The following CCSER1 variants were observed in gnomAD, a reference collection of about 807,000 sequenced individuals.
CCSER1 encodes coiled-coil serine rich protein 1.
Under a neutral mutation model 82.0 loss-of-function variants are expected in CCSER1, and 41 were observed. The observed-to-expected ratio is 0.50, with a 90% confidence interval of 0.39 to 0.65. CCSER1 has a LOEUF of 0.65. Ranked by LOEUF, CCSER1 falls within the 30% of genes least tolerant of loss-of-function variation. CCSER1 has a pLI of 0.00. For synonymous variants in CCSER1, 414 were observed against 383.9 expected (o/e 1.08, Z -0.92); for missense variants, 1,119 against 1,064.2 (o/e 1.05, Z -0.72).
At chr4:91,466,437 C>T (rs1756911681) in intron 10 of CCSER1, among the ~76,000 whole-genome samples, 2 of 152,236 alleles carry the variant, frequency 1.3e-5, no homozygotes, top group South Asian at 4.1e-4. Flanking sequence ...CCTTTGAAAA[C>T]TGGCACAAGA....
intron 10 of CCSER1, among the ~76,000 whole-genome samples, chr4:91,167,735 A>G (rs975527793): frequency 3.9e-5 from 6 of 152,218 alleles, no homozygotes; most frequent in Non-Finnish European, 7.3e-5. Context: ...CTAAATTTAC[A>G]CAGCTGATTT....
rs539110970 is a variant in CCSER1 at position 90,644,950 on chromosome 4, C to T, written c.1932+16718C>T. On this transcript the variant is annotated intron_variant, in intron 6 of 10. Transcript: ENST00000509176. Reference sequence around the variant, plus strand: ...TACAAAAATTAGCTGGATGTCGTGGCACACACCTGTAATCCCAGATACTCG... The same window carrying T: ...TACAAAAATTAGCTGGATGTCGTGGTACACACCTGTAATCCCAGATACTCG... Among the ~76,000 whole-genome samples, 5 of 151,272 alleles carry T rather than the reference C, an allele frequency of 3.3e-5. No homozygotes were observed. In the South Asian group the frequency reaches 1.1e-3, roughly 32 times the overall value.
chr4:90,699,999 T>A (rs1057021322), intron 6 of CCSER1, among the ~76,000 whole-genome samples: 8 of 152,114 alleles, frequency 5.3e-5, no homozygotes, highest in African/African-American at 1.2e-4. Flanking sequence ...TTTTTTTTTT[T>A]AATTATACTT....
At chr4:91,431,931 A>G (rs1754350613) in intron 10 of CCSER1, among the ~76,000 whole-genome samples, 1 of 151,984 alleles carries the variant, frequency 6.6e-6, no homozygotes, top group African/African-American at 2.4e-5. Context: ...TAGATGCAAC[A>G]TAATTGATAT....
intron 9 of CCSER1, among the ~76,000 whole-genome samples, chr4:91,021,430 G>A (rs796498872): frequency 4.6e-5 from 7 of 152,198 alleles, no homozygotes; most frequent in African/African-American, 1.7e-4. Flanking sequence ...ATTTCAAACT[G>A]ATCTTTAGAT....
At chr4:90,198,843 G>A (rs1483302247) in intron 1 of CCSER1, among the ~76,000 whole-genome samples, 1 of 152,134 alleles carries the variant, frequency 6.6e-6, no homozygotes, top group Non-Finnish European at 1.5e-5. Context: ...GAATAGGATA[G>A]TTATGCTAAT....
chr4:90,845,002 A>G (rs1216718938), intron 8 of CCSER1, among the ~76,000 whole-genome samples: 1 of 152,218 alleles, frequency 6.6e-6, no homozygotes, highest in Non-Finnish European at 1.5e-5. Context: ...ATTTATGAAA[A>G]CTAACTATAA....
intron 10 of CCSER1, among the ~76,000 whole-genome samples, chr4:91,593,242 C>T (rs1048219384): frequency 1.3e-5 from 2 of 151,884 alleles, no homozygotes; most frequent in Non-Finnish European, 2.9e-5. Context: ...TTTAAATTGC[C>T]CGTGCAATGT....
intron 10 of CCSER1, among the ~76,000 whole-genome samples, chr4:91,184,278 C>G (rs1734321716): frequency 1.3e-5 from 2 of 152,194 alleles, no homozygotes; most frequent in African/African-American, 4.8e-5. Flanking sequence ...GCAACACTTT[C>G]CAATGATAAC....
intron 1 of CCSER1, among the ~76,000 whole-genome samples, chr4:90,207,441 GC>G (rs1186772311): frequency 3.9e-5 from 6 of 152,100 alleles, no homozygotes; most frequent in African/African-American, 1.4e-4. Flanking sequence ...GTTAGAACAT[GC>G]TCCTTTAGCT....
chr4:91,329,495 G>A (rs1324936765), intron 10 of CCSER1, among the ~76,000 whole-genome samples: 3 of 152,192 alleles, frequency 2.0e-5, no homozygotes, highest in Admixed American at 1.3e-4. Flanking sequence ...TGTTAGTCAT[G>A]TTGGGATCCC....
intron 5 of CCSER1, among the ~76,000 whole-genome samples, chr4:90,616,676 CTCTG>C (rs1389008907): frequency 1.4e-5 from 2 of 140,646 alleles, no homozygotes; most frequent in Non-Finnish European, 1.5e-5. Flanking sequence ...CAGAGTGTGG[CTCTG>C]TCTCACACAC....
At chr4:90,876,798 C>T (rs185289594) in intron 8 of CCSER1, among the ~76,000 whole-genome samples, 8 of 152,178 alleles carry the variant, frequency 5.3e-5, no homozygotes, top group East Asian at 1.9e-4. Context: ...CTCCTATTAA[C>T]GTAATGCTAA....
intron 6 of CCSER1, among the ~76,000 whole-genome samples, chr4:90,720,300 TTA>T (rs1491178373): frequency 3.2e-5 from 4 of 123,320 alleles, no homozygotes; most frequent in African/African-American, 6.1e-5. Flanking sequence ...AAAAAAAAAA[TTA>T]AAAAAAAACA....
chr4:91,382,982 C>T (rs1751027087), intron 10 of CCSER1, among the ~76,000 whole-genome samples: 1 of 151,170 alleles, frequency 6.6e-6, no homozygotes, highest in Non-Finnish European at 1.5e-5. Context: ...TCCCTGAAGA[C>T]TCAGATGATC....
intron 8 of CCSER1, among the ~76,000 whole-genome samples, chr4:90,865,989 A>T (rs1765683050): frequency 6.6e-6 from 1 of 151,954 alleles, no homozygotes; most frequent in African/African-American, 2.4e-5. Flanking sequence ...TCAGAGCAGG[A>T]GGAAGAGGGA....
chr4:91,146,083 T>C (rs1210813086), intron 10 of CCSER1, among the ~76,000 whole-genome samples: 3 of 152,224 alleles, frequency 2.0e-5, no homozygotes, highest in African/African-American at 7.2e-5. Context: ...TTGGTCTCTC[T>C]GTACAATCAC....
At chr4:90,986,521 TAGAG>T (rs1050050094) in intron 9 of CCSER1, among the ~76,000 whole-genome samples, 2 of 151,780 alleles carry the variant, frequency 1.3e-5, no homozygotes, top group African/African-American at 4.8e-5. Context: ...CTGGATCAGT[TAGAG>T]AGATCTCTAA....
At chr4:90,231,475 A>G (rs1744535729) in intron 1 of CCSER1, among the ~76,000 whole-genome samples, 1 of 148,272 alleles carries the variant, frequency 6.7e-6, no homozygotes, top group Non-Finnish European at 1.5e-5. Context: ...CGTATCTCAA[A>G]ATAATAAGAG....
Sources: allele counts gnomAD v4.1 joint callset (sites outside exome capture counted in the v4.1 genomes callset), GRCh38; gene constraint gnomAD v4.1.1; transcripts MANE v1.5; gene names NCBI Gene and HGNC (gene_info 2026-07-23, HGNC 2026-07-21).